The following ATF6 variants were observed in gnomAD, a reference collection of about 807,000 sequenced individuals.
ATF6 encodes the protein activating transcription factor 6, also known as cyclic AMP-dependent transcription factor ATF-6 alpha.
In ATF6, 53 loss-of-function variants were observed where a neutral mutation model predicts 83.6. That is an observed-to-expected ratio of 0.63 (90% CI 0.51 to 0.80). ATF6 has a LOEUF of 0.80. Among genes scored for constraint, ATF6 ranks in the 30% least tolerant of loss-of-function variants. The probability of loss-of-function intolerance (pLI) is 0.00; values close to 1 mark genes in which losing one functional copy is unlikely to be tolerated. For missense variants in ATF6, 744 were observed against 797.9 expected, an observed-to-expected ratio of 0.93 and a Z score of 0.81; for synonymous variants, 288 against 285.8, an observed-to-expected ratio of 1.01 and a Z score of -0.08.
chr1:161,837,052 C>T (rs1452497464), intron 9 of ATF6, among the ~76,000 whole-genome samples: 1 of 152,070 alleles, frequency 6.6e-6, no homozygotes, highest in African/African-American at 2.4e-5. Context: ...GCATTTTCAA[C>T]CACCATTTTC....
At chr1:161,913,008 G>A (rs1361253971) in intron 15 of ATF6, among the ~76,000 whole-genome samples, 1 of 152,124 alleles carries the variant, frequency 6.6e-6, no homozygotes, top group Non-Finnish European at 1.5e-5. Context: ...AATATGTGAG[G>A]TACTAAGAAA....
chr1:161,783,080 G>A (rs972254508), intron 3 of ATF6, among the ~76,000 whole-genome samples: 6 of 152,154 alleles, frequency 3.9e-5, no homozygotes, highest in African/African-American at 1.4e-4. Context: ...TGCCTGCATA[G>A]GGCCTCTTTG....
rs1685121878 is a variant in ATF6 at position 161,800,565 on chromosome 1, G to T, written c.689-1487G>T. ...AATTATGACATACCATTAATACAGTGAAAAAATAATGTGTGCAGAGTAACA... is the reference window on the plus strand; with the variant it reads ...AATTATGACATACCATTAATACAGTTAAAAAATAATGTGTGCAGAGTAACA... On this transcript the variant is annotated intron_variant, in intron 6 of 15. Transcript: ENST00000367942. Among the ~76,000 whole-genome samples the T allele has an allele frequency of 2.0e-5, 3 of 152,140 alleles. No homozygotes were observed. In the South Asian group the frequency reaches 6.2e-4, roughly 32 times the overall value.
At chr1:161,770,974 C>T (rs1684370956) in intron 1 of ATF6, among the ~76,000 whole-genome samples, 1 of 152,206 alleles carries the variant, frequency 6.6e-6, no homozygotes, top group African/African-American at 2.4e-5. Context: ...ATTTTTGATG[C>T]TCCACATCCT....
intron 9 of ATF6, among the ~76,000 whole-genome samples, chr1:161,844,807 T>C (rs1048629391): frequency 3.9e-5 from 6 of 152,182 alleles, no homozygotes; most frequent in Non-Finnish European, 8.8e-5. Context: ...CCCAAATTGC[T>C]ATTGTTTTCT....
At position 161,953,773 on chromosome 1, in the gene ATF6, C is replaced by T. The variant is rs1019982577; in HGVS notation, c.1805-4673C>T. Among the ~76,000 whole-genome samples, 4 of 152,158 alleles carry T rather than the reference C, an allele frequency of 2.6e-5. No homozygotes were observed. In the East Asian group the frequency reaches 5.8e-4, roughly 22 times the overall value. ...TTACTGTTACTCACTCAGCGTTCTT[C>T]CCACTTATAACTGAGGGGCTCTAGT... On this transcript the variant is annotated intron_variant, in intron 15 of 15. Transcript: ENST00000367942.
chr1:161,911,631 C>T (rs1157451396), intron 14 of ATF6, among the ~76,000 whole-genome samples: 1 of 152,218 alleles, frequency 6.6e-6, no homozygotes, highest in African/African-American at 2.4e-5. Flanking sequence ...TTAGCATGCA[C>T]CTGTCACTTG....
chr1:161,916,597 A>T (rs187949114), intron 15 of ATF6, among the ~76,000 whole-genome samples: 423 of 152,298 alleles, frequency 2.8e-3, no homozygotes, highest in Admixed American at 4.9e-3. Context: ...TTTTCCCCCA[A>T]AATATTCTTT....
At chr1:161,805,483 T>C (rs973563986) in intron 7 of ATF6, among the ~76,000 whole-genome samples, 1 of 152,148 alleles carries the variant, frequency 6.6e-6, no homozygotes, top group Non-Finnish European at 1.5e-5. Context: ...CCTTTCAATA[T>C]GAGTTTTTTT....
chr1:161,881,138 T>C (rs979783138), intron 14 of ATF6, among the ~76,000 whole-genome samples: 1 of 152,164 alleles, frequency 6.6e-6, no homozygotes, highest in East Asian at 1.9e-4. Context: ...ATTTTGTGTG[T>C]GTGTTGTTTT....
intron 1 of ATF6, among the ~76,000 whole-genome samples, chr1:161,770,556 GCCACAGT>G (rs1196675578): frequency 6.6e-6 from 1 of 152,062 alleles, no homozygotes; most frequent in Non-Finnish European, 1.5e-5. Flanking sequence ...TTCTTATAAG[GCCACAGT>G]CCTATCAGAT....
At chr1:161,920,290 C>CTTTTTTTTTTT (rs1571237665) in intron 15 of ATF6, among the ~76,000 whole-genome samples, 5 of 25,170 alleles carry the variant, frequency 2.0e-4, no homozygotes, top group Non-Finnish European at 3.8e-4. Flanking sequence ...CTCTCTCTCT[C>CTTTTTTTTTTT]TCTCTTTTTT....
chr1:161,876,454 A>T (rs1330981760), intron 14 of ATF6, among the ~76,000 whole-genome samples: 1 of 152,044 alleles, frequency 6.6e-6, no homozygotes, highest in Non-Finnish European at 1.5e-5. Flanking sequence ...TTATATTAAT[A>T]ACTTACAATG....
intron 9 of ATF6, among the ~76,000 whole-genome samples, chr1:161,825,500 A>C (rs1419027706): frequency 6.6e-6 from 1 of 152,206 alleles, no homozygotes; most frequent in Non-Finnish European, 1.5e-5. Context: ...GGGTTCCCAC[A>C]ATTCCCTCTT....
chr1:161,962,782 A>C lies in ATF6; in HGVS notation c.*4128A>C, dbSNP rs192081482. On this transcript the variant is annotated 3_prime_UTR_variant, in exon 16 of 16. Transcript: ENST00000367942. ...ATCTTTTCATACTATTGGCTATTTC[A>C]TACCAATTAACCTCTTAAATAAGAT... The C allele has an allele frequency of 6.6e-6, 1 of 152,298 alleles. No individual in the cohort carries two copies. Among genetic ancestry groups the C allele is most frequent in the East Asian group, 1.9e-4 (1 of 5,184 alleles). The allele number at this position is 152,298 out of a possible 1,614,324, so 9.4% of individuals were successfully genotyped here. A position where few individuals can be genotyped will look rare whatever the true frequency, so the allele number is the denominator to read the frequency against.
At position 161,952,049 on chromosome 1, in the gene ATF6, G is replaced by T. The variant is rs141536667; in HGVS notation, c.1805-6397G>T. 4.6e-5 allele frequency among the ~76,000 whole-genome samples: 7 copies of T among 152,248 alleles called. No individual in the cohort carries two copies. The East Asian group carries it at 1.4e-3, about 29-fold the overall frequency. On this transcript the variant is annotated intron_variant, in intron 15 of 15. Coordinates refer to ENST00000367942, the MANE Select transcript of ATF6 (RefSeq NM_007348.4). Reference sequence around the variant, plus strand: ...TGAGTGTGGTTTATCAGTTAAAAGTGCTCTCCCAATTATCTGATGGAACCA... The same window carrying T: ...TGAGTGTGGTTTATCAGTTAAAAGTTCTCTCCCAATTATCTGATGGAACCA...
chr1:161,958,458 A>G lies in ATF6; in HGVS notation c.1817A>G (p.Asn606Ser), dbSNP rs755902282. ...TTCCTGTCTGCAGAGAATGTGATCA[A>G]TGGGCAGGACTACGAAGTGATGATG... is the stretch of plus-strand genomic sequence containing the variant. ...PAININENVI[N>S]GQDYEVMMQI... is the part of the protein sequence containing the mutation. The change falls in exon 16 of 16, where the codon AAT (asparagine) becomes AGT (serine). Residue 606 changes from asparagine to serine, a missense_variant. Transcript: ENST00000367942. 1.9e-6 allele frequency: 3 copies of G among 1,605,304 alleles called. No individual in the cohort carries two copies. The highest frequency in any genetic ancestry group is 1.1e-5 in the South Asian group (1 of 89,456).
intron 1 of ATF6, among the ~76,000 whole-genome samples, chr1:161,767,619 CAG>C (rs1487842778): frequency 1.3e-5 from 2 of 152,190 alleles, no homozygotes; most frequent in Non-Finnish European, 2.9e-5. Context: ...CTGAGGCTAA[CAG>C]AATTTGTGCT....
At chr1:161,892,271 G>A (rs918678807) in intron 14 of ATF6, 2 of 152,180 alleles carry the variant, frequency 1.3e-5, no homozygotes, top group African/African-American at 2.4e-5. Flanking sequence ...ACTTCAGGTG[G>A]ACTCATACAC....
Sources: gnomAD v4.1 joint callset for allele counts (sites outside exome capture counted in the v4.1 genomes callset) on GRCh38, gnomAD v4.1.1 for gene constraint, MANE v1.5 for transcripts, NCBI Gene and HGNC (gene_info 2026-07-23, HGNC 2026-07-21) for gene names.